ANKRD30BL: variants seen among roughly 807,000 people sequenced by gnomAD.
ANKRD30BL encodes the protein ankyrin repeat domain 30B like.
In ANKRD30BL, 20 loss-of-function variants were observed where a neutral mutation model predicts 18.4. That is an observed-to-expected ratio of 1.09 (90% CI 0.77 to 1.58). The LOEUF (loss-of-function observed/expected upper bound fraction) is 1.58. Among genes scored for constraint, ANKRD30BL ranks in the 40% most tolerant of loss-of-function variants. The pLI is 0.00. For missense variants in ANKRD30BL, 224 were observed against 268.6 expected (o/e 0.83, Z 1.16); for synonymous variants, 72 against 100.9 (o/e 0.71, Z 1.72).
chr2:132,228,278 G>A (rs1482771908), intron 1 of ANKRD30BL, among the ~76,000 whole-genome samples: 1 of 151,956 alleles, frequency 6.6e-6, no homozygotes, highest in Non-Finnish European at 1.5e-5. Context: ...AAACGACACA[G>A]AAGAATTCGG....
At chr2:132,179,829 G>C (rs1688431524) in intron 1 of ANKRD30BL, among the ~76,000 whole-genome samples, 1 of 152,030 alleles carries the variant, frequency 6.6e-6, no homozygotes, top group Admixed American at 6.6e-5. Context: ...GTGCATGTTT[G>C]TGTTTGTTTT....
intron 1 of ANKRD30BL, among the ~76,000 whole-genome samples, chr2:132,244,589 T>A (rs1680437923): frequency 6.6e-6 from 1 of 152,290 alleles, no homozygotes; most frequent in Admixed American, 6.5e-5. Context: ...GGAAATATCT[T>A]CCCATAATAA....
chr2:132,164,914 C>G (rs1688158408), upstream of ANKRD30BL, among the ~76,000 whole-genome samples: 5 of 151,958 alleles, frequency 3.3e-5, no homozygotes, highest in South Asian at 1.0e-3. Context: ...ACTACAAATA[C>G]AAAAACAAAA....
At chr2:132,256,472 G>A (rs79835791) in intron 1 of ANKRD30BL, among the ~76,000 whole-genome samples, 3 of 152,230 alleles carry the variant, frequency 2.0e-5, no homozygotes, top group Non-Finnish European at 2.9e-5. Context: ...CCACTCATGC[G>A]CGGAGGGCGC....
At position 132,154,726 on chromosome 2, in the gene ANKRD30BL, C is replaced by T. The variant is rs1399912365; in HGVS notation, c.550G>A (p.Glu184Lys). The T allele has an allele frequency of 5.5e-6, 4 of 733,440 alleles. No homozygotes were observed. The highest frequency in any genetic ancestry group is 1.4e-5 in the South Asian group (1 of 69,122). The allele number at this position is 733,440 out of a possible 1,614,324, so 45.4% of individuals were successfully genotyped here. A position where few individuals can be genotyped will look rare whatever the true frequency, so the allele number is the denominator to read the frequency against. Residue 184 changes from glutamate to lysine, a missense_variant, in exon 4 of 6, where the codon GAG becomes AAG. Coordinates refer to ENST00000409867, the MANE Select transcript of ANKRD30BL (RefSeq NM_001358416.1). ...PLLLAIRKRS[E>K]EIVEFLLTKN... ...GTCAGTAAAAATTCCACAATTTCCT[C>T]ACTTCTTTTCCTTATGGCCAGTAAA...
intron 1 of ANKRD30BL, among the ~76,000 whole-genome samples, chr2:132,169,984 T>C (rs1688251019): frequency 6.6e-6 from 1 of 152,180 alleles, no homozygotes; most frequent in South Asian, 2.1e-4. Flanking sequence ...GCCTCATTGG[T>C]AGATAATTTT....
chr2:132,228,162 C>T (rs1679897161), intron 1 of ANKRD30BL, among the ~76,000 whole-genome samples: 1 of 152,000 alleles, frequency 6.6e-6, no homozygotes, highest in Non-Finnish European at 1.5e-5. Flanking sequence ...AGAGTTAAGC[C>T]TTTGTTTTGA....
intron 1 of ANKRD30BL, among the ~76,000 whole-genome samples, chr2:132,176,081 C>G (rs1406632757): frequency 6.6e-6 from 1 of 152,138 alleles, no homozygotes; most frequent in Non-Finnish European, 1.5e-5. Flanking sequence ...AAAACTAAAA[C>G]AAATAACTTA....
intron 1 of ANKRD30BL, among the ~76,000 whole-genome samples, chr2:132,186,608 C>T (rs1327642404): frequency 8.5e-5 from 13 of 152,096 alleles, no homozygotes; most frequent in Admixed American, 5.2e-4. Flanking sequence ...AAAAAGTAGT[C>T]TAATTCTACA....
At chr2:132,190,985 C>A (rs1045508296) in intron 1 of ANKRD30BL, among the ~76,000 whole-genome samples, 1 of 152,068 alleles carries the variant, frequency 6.6e-6, no homozygotes, top group Non-Finnish European at 1.5e-5. Context: ...CTGAGGTTTA[C>A]TTTCAATACA....
chr2:132,149,619 T>G (rs1165506962), intron 5 of ANKRD30BL, among the ~76,000 whole-genome samples: 2 of 152,178 alleles, frequency 1.3e-5, no homozygotes, highest in Non-Finnish European at 2.9e-5. Context: ...ATTATTGAGA[T>G]CCAAATTCTA....
intron 1 of ANKRD30BL, among the ~76,000 whole-genome samples, chr2:132,220,316 C>T (rs1329312382): frequency 1.7e-5 from 2 of 118,494 alleles, no homozygotes; most frequent in East Asian, 5.1e-4. Context: ...CTCTCCCTCT[C>T]CCTCTCCCTG....
chr2:132,160,367 C>T (rs1688020665), intron 1 of ANKRD30BL, among the ~76,000 whole-genome samples: 1 of 146,612 alleles, frequency 6.8e-6, no homozygotes, highest in Non-Finnish European at 1.5e-5. Flanking sequence ...GCCCGAAGTG[C>T]TGGGACTACA....
intron 1 of ANKRD30BL, among the ~76,000 whole-genome samples, chr2:132,198,324 C>CTTTCTTTTTT (rs1387738908): frequency 5.9e-5 from 1 of 16,814 alleles, no homozygotes; most frequent in African/African-American, 1.4e-4. Context: ...TTCTTTCTTT[C>CTTTCTTTTTT]TTTTTTTTTT....
rs1243756246 is a variant in ANKRD30BL at position 132,157,072 on chromosome 2, C to T, written c.408G>A (p.Val136=). 8 of 1,419,768 alleles carry T rather than the reference C, an allele frequency of 5.6e-6. No individual in the cohort carries two copies. The highest frequency in any genetic ancestry group is 2.9e-5 in the African/African-American group (2 of 69,728). The allele number at this position is 1,419,768 out of a possible 1,614,324, so 87.9% of individuals were successfully genotyped here. A position where few individuals can be genotyped will look rare whatever the true frequency, so the allele number is the denominator to read the frequency against. ...CATAATGGACAGCTGTGTTGCCATA[C>T]ACATCTACAATATTTGGATCAGCAC... is the stretch of plus-strand genomic sequence containing the variant. The part of the protein sequence containing the change: ...DSGADPNIVD[V]YGNTAVHYAV... Residue 136 remains valine, a synonymous_variant, in exon 3 of 6, where the codon GTG becomes GTA. Transcript: ENST00000409867.
chr2:132,240,883 T>C lies in ANKRD30BL; in HGVS notation n.441+16646A>G, dbSNP rs574613773. Among the ~76,000 whole-genome samples, 8 of 152,100 alleles carry C rather than the reference T, an allele frequency of 5.3e-5. No homozygotes were observed. In the South Asian group the frequency reaches 1.7e-3, roughly 32 times the overall value. On this transcript the variant is annotated intron_variant and non_coding_transcript_variant, in intron 1 of 4. Transcript: ENST00000470729. ...TTCTCAGAAACTTCTTTATGATGTG[T>C]TTACTCAACTGTCAGAATTGAACCT...
intron 1 of ANKRD30BL, among the ~76,000 whole-genome samples, chr2:132,206,732 G>A (rs998520063): frequency 2.6e-5 from 4 of 152,216 alleles, no homozygotes; most frequent in African/African-American, 9.6e-5. Context: ...CTGTGACAAA[G>A]TGGTTCACAT....
At chr2:132,237,708 A>G (rs1182866433) in intron 1 of ANKRD30BL, among the ~76,000 whole-genome samples, 1 of 152,136 alleles carries the variant, frequency 6.6e-6, no homozygotes, top group Non-Finnish European at 1.5e-5. Context: ...TTCATAGAGC[A>G]GTTTTGAAAC....
chr2:132,181,826 AC>A (rs1281987878), intron 1 of ANKRD30BL, among the ~76,000 whole-genome samples: 2 of 152,174 alleles, frequency 1.3e-5, no homozygotes, highest in African/African-American at 4.8e-5. Flanking sequence ...ATTTTAAAAG[AC>A]CAGGCTGGGG....
Sources: gnomAD v4.1 joint callset for allele counts (sites outside exome capture counted in the v4.1 genomes callset) on GRCh38, gnomAD v4.1.1 for gene constraint, MANE v1.5 for transcripts, NCBI Gene and HGNC (gene_info 2026-07-23, HGNC 2026-07-21) for gene names.